Variants in PPP1R9A observed in about 807,000 individuals in gnomAD.
PPP1R9A encodes the protein neurabin-1.
Under a neutral mutation model 141.9 loss-of-function variants are expected in PPP1R9A, and 59 were observed. The observed-to-expected ratio is 0.42, with a 90% CI of 0.34 to 0.52. The LOEUF (loss-of-function observed/expected upper bound fraction) is 0.52. PPP1R9A is among the 20% of genes least tolerant of loss of function. The pLI is 0.10. For synonymous variants in PPP1R9A, 500 were observed against 569.7 expected, an observed-to-expected ratio of 0.88 and a Z score of 1.74; for missense variants, 1,444 against 1,611.9, an observed-to-expected ratio of 0.90 and a Z score of 1.78.
At chr7:95,209,752 T>A (rs1791681690) in intron 7 of PPP1R9A, among the ~76,000 whole-genome samples, 1 of 152,194 alleles carries the variant, frequency 6.6e-6, no homozygotes, top group South Asian at 2.1e-4. Context: ...CTGATAGCAT[T>A]TTTGCAATTA....
chr7:94,973,149 T>C lies in PPP1R9A; in HGVS notation c.1395+61641T>C, dbSNP rs201231815. ...AGATTTTGTCCCTTGTCTTAAATACTGTGAAAACAAGAAACCTCCACAAAA... is the reference window on the plus strand; with the variant it reads ...AGATTTTGTCCCTTGTCTTAAATACCGTGAAAACAAGAAACCTCCACAAAA... On this transcript the variant is annotated intron_variant, in intron 2 of 19. Coordinates refer to ENST00000433360, the MANE Select transcript of PPP1R9A (RefSeq NM_001166160.2). Among the ~76,000 whole-genome samples, 4 of 152,348 alleles carry C rather than the reference T, an allele frequency of 2.6e-5. No individual in the cohort carries two copies. In the East Asian group the frequency reaches 7.7e-4, roughly 29 times the overall value.
At chr7:94,976,641 G>T (rs1799483990) in intron 2 of PPP1R9A, among the ~76,000 whole-genome samples, 1 of 152,138 alleles carries the variant, frequency 6.6e-6, no homozygotes. Flanking sequence ...ACTGGTTGTG[G>T]TTGGTGAATA....
intron 7 of PPP1R9A, among the ~76,000 whole-genome samples, chr7:95,213,200 G>T (rs1384488296): frequency 6.6e-6 from 1 of 151,966 alleles, no homozygotes; most frequent in Non-Finnish European, 1.5e-5. Flanking sequence ...GTATCATTGG[G>T]AGACAGTATG....
chr7:94,922,719 A>G (rs1035028312), intron 2 of PPP1R9A, among the ~76,000 whole-genome samples: 19 of 152,204 alleles, frequency 1.2e-4, no homozygotes, highest in Non-Finnish European at 1.8e-4. Flanking sequence ...TTAAAAACAC[A>G]TACATCAAAA....
chr7:95,265,551 G>A (rs1231736578), intron 12 of PPP1R9A, among the ~76,000 whole-genome samples: 4 of 152,154 alleles, frequency 2.6e-5, no homozygotes, highest in Non-Finnish European at 5.9e-5. Flanking sequence ...TTCCTTCCGT[G>A]TACACACGTG....
intron 2 of PPP1R9A, among the ~76,000 whole-genome samples, chr7:94,983,062 T>C (rs1800327369): frequency 1.3e-5 from 2 of 152,204 alleles, no homozygotes; most frequent in Middle Eastern, 3.2e-3. Context: ...CCAGCAACAT[T>C]TATTAAATAG....
chr7:95,045,601 G>C (rs1403771896), intron 2 of PPP1R9A, among the ~76,000 whole-genome samples: 1 of 152,232 alleles, frequency 6.6e-6, no homozygotes. Flanking sequence ...TGAGCTGCCA[G>C]TTACCAATTT....
chr7:94,940,745 T>A (rs1795253432), intron 2 of PPP1R9A, among the ~76,000 whole-genome samples: 1 of 152,012 alleles, frequency 6.6e-6, no homozygotes, highest in Admixed American at 6.6e-5. Flanking sequence ...AAATATTATA[T>A]ATAATATTGA....
At chr7:95,011,660 T>G (rs1280571147) in intron 2 of PPP1R9A, among the ~76,000 whole-genome samples, 7 of 152,196 alleles carry the variant, frequency 4.6e-5, no homozygotes, top group African/African-American at 1.4e-4. Flanking sequence ...CAGTTGAAAT[T>G]CTTCATGGTT....
Position 94,954,820 on chromosome 7 carries a change from T to C in PPP1R9A, c.1395+43312T>C, listed in dbSNP as rs184362868. ...GTTTATTCTGTTATTTTAGAATATATGTTTGTAAATATGCGTGTGTGTGTG... is the reference window on the plus strand; with the variant it reads ...GTTTATTCTGTTATTTTAGAATATACGTTTGTAAATATGCGTGTGTGTGTG... On this transcript the variant is annotated intron_variant, in intron 2 of 19. Coordinates refer to ENST00000433360, the MANE Select transcript of PPP1R9A (RefSeq NM_001166160.2). Among the ~76,000 whole-genome samples, 349 of 139,720 alleles carry C rather than the reference T, an allele frequency of 2.5e-3. 2 individuals are homozygous for C. The highest frequency in any genetic ancestry group is 9.2e-3 in the African/African-American group (339 of 36,768). 91.7% of individuals were successfully genotyped at this position (139,720 alleles called of 152,430 possible). A position where few individuals can be genotyped will look rare whatever the true frequency, so the allele number is the denominator to read the frequency against.
rs1416552266 is a variant in PPP1R9A, at chr7:95,287,795, C to T, written c.3730-741C>T. Among the ~76,000 whole-genome samples the T allele has an allele frequency of 2.0e-5, 3 of 152,274 alleles. No individual in the cohort carries two copies. In the East Asian group the frequency reaches 5.8e-4, roughly 29 times the overall value. On this transcript the variant is annotated intron_variant, in intron 18 of 19. Coordinates refer to ENST00000433360, the MANE Select transcript of PPP1R9A (RefSeq NM_001166160.2). Reference sequence around the variant, plus strand: ...CCACCTCCTGGATTCAAGCGATTCTCCTGCCTCAGCCTCTCGAATAACTGG... The same window carrying T: ...CCACCTCCTGGATTCAAGCGATTCTTCTGCCTCAGCCTCTCGAATAACTGG...
intron 12 of PPP1R9A, among the ~76,000 whole-genome samples, chr7:95,262,950 C>T (rs777828707): frequency 1.8e-4 from 27 of 152,100 alleles, no homozygotes; most frequent in Non-Finnish European, 3.2e-4. Context: ...CTTCCCCATA[C>T]AATACTAAAA....
At chr7:94,931,914 C>T (rs189893010) in intron 2 of PPP1R9A, among the ~76,000 whole-genome samples, 20 of 152,256 alleles carry the variant, frequency 1.3e-4, no homozygotes, top group African/African-American at 4.8e-4. Flanking sequence ...CTATGTGTGT[C>T]TCAGAGTGTT....
rs1361659389 is a variant in PPP1R9A, at chr7:95,210,697, C to T, written c.1956+6967C>T. Among the ~76,000 whole-genome samples, 7 of 152,266 alleles carry T rather than the reference C, an allele frequency of 4.6e-5. No individual in the cohort carries two copies. The East Asian group carries it at 9.7e-4, about 21-fold the overall frequency. On this transcript the variant is annotated intron_variant, in intron 7 of 19. Coordinates refer to ENST00000433360, the MANE Select transcript of PPP1R9A (RefSeq NM_001166160.2). ...ATTCTACTGTAAAGACACATGCACA[C>T]GTATGTTTATTGCAGCACTATTCAC...
intron 2 of PPP1R9A, among the ~76,000 whole-genome samples, chr7:95,078,341 T>C (rs2152260361): frequency 6.6e-6 from 1 of 151,864 alleles, no homozygotes; most frequent in East Asian, 1.9e-4. Context: ...TAGTATTCCA[T>C]GGTATATATG....
Position 95,184,287 on chromosome 7 carries a change from G to A in PPP1R9A, c.1755-14062G>A, listed in dbSNP as rs566597905. 7.2e-5 allele frequency among the ~76,000 whole-genome samples: 11 copies of A among 152,292 alleles called. No individual in the cohort carries two copies. The South Asian group carries it at 1.9e-3, about 26-fold the overall frequency. ...TAGGATCTTGTGACCCATAGTTCAC[G>A]AGGGTATTCCAATATTCAAGTATAA... On this transcript the variant is annotated intron_variant, in intron 5 of 19. Transcript: ENST00000433360.
intron 2 of PPP1R9A, among the ~76,000 whole-genome samples, chr7:95,004,694 C>T (rs970673645): frequency 2.0e-4 from 31 of 152,138 alleles, no homozygotes; most frequent in African/African-American, 7.2e-4. Flanking sequence ...ATGGATATGA[C>T]TGGATATGAC....
chr7:94,930,018 G>C (rs1337160219), intron 2 of PPP1R9A, among the ~76,000 whole-genome samples: 2 of 152,196 alleles, frequency 1.3e-5, no homozygotes, highest in Non-Finnish European at 2.9e-5. Context: ...CAGCAAATGA[G>C]AGCTAATGTA....
intron 2 of PPP1R9A, among the ~76,000 whole-genome samples, chr7:94,939,846 ACACG>A (rs932291939): frequency 4.1e-5 from 6 of 144,940 alleles, no homozygotes; most frequent in Non-Finnish European, 6.1e-5. Context: ...ACACACACAC[ACACG>A]TCCCAGGAGA....
Sources: gnomAD v4.1 joint callset for allele counts (sites outside exome capture counted in the v4.1 genomes callset) on GRCh38, gnomAD v4.1.1 for gene constraint, MANE v1.5 for transcripts, NCBI Gene and HGNC (gene_info 2026-07-23, HGNC 2026-07-21) for gene names.